The following GPC6 variants were observed in gnomAD, a reference collection of about 807,000 sequenced individuals.
GPC6 encodes glypican 6.
In GPC6, 14 loss-of-function variants were observed where a neutral mutation model predicts 55.2. The observed-to-expected ratio is 0.25, with a 90% confidence interval of 0.17 to 0.40. GPC6 has a LOEUF of 0.40. GPC6 is among the 10% of genes least tolerant of loss of function. The probability of loss-of-function intolerance (pLI) is 1.00; values close to 1 mark genes in which losing one functional copy is unlikely to be tolerated. For missense variants in GPC6, 641 were observed against 708.5 expected (o/e 0.90, Z 1.08); for synonymous variants, 278 against 259.6 (o/e 1.07, Z -0.68).
chr13:93,713,470 A>G (rs1415242154), intron 2 of GPC6, among the ~76,000 whole-genome samples: 3 of 151,684 alleles, frequency 2.0e-5, no homozygotes, highest in African/African-American at 7.3e-5. Context: ...GGGAGAGAAT[A>G]ACACGTACAA....
At chr13:94,240,610 TG>T (rs1418521856) in intron 4 of GPC6, among the ~76,000 whole-genome samples, 74 of 148,236 alleles carry the variant, frequency 5.0e-4, no homozygotes, top group Non-Finnish European at 8.9e-5. Flanking sequence ...ATTCCAGTGT[TG>T]GGAGACAGAA....
chr13:93,971,496 T>C (rs1191876529), intron 3 of GPC6, among the ~76,000 whole-genome samples: 2 of 152,364 alleles, frequency 1.3e-5, no homozygotes, highest in Middle Eastern at 3.4e-3. Flanking sequence ...TCAATACATA[T>C]TGCTGAATGC....
chr13:93,264,335 G>T (rs910237632), intron 1 of GPC6, among the ~76,000 whole-genome samples: 4 of 152,194 alleles, frequency 2.6e-5, no homozygotes, highest in African/African-American at 4.8e-5. Flanking sequence ...ATGCACAGAT[G>T]CTCTAGTCTC....
At chr13:93,828,268 G>A (rs1358649729) in intron 2 of GPC6, among the ~76,000 whole-genome samples, 1 of 151,884 alleles carries the variant, frequency 6.6e-6, no homozygotes, top group African/African-American at 2.4e-5. Context: ...TTCACAATCT[G>A]TTACGCCTTC....
chr13:94,256,562 A>G (rs201865816), intron 4 of GPC6, among the ~76,000 whole-genome samples: 1 of 152,140 alleles, frequency 6.6e-6, no homozygotes, highest in Non-Finnish European at 1.5e-5. Flanking sequence ...CATCTCCATC[A>G]TCATCATCCT....
intron 1 of GPC6, among the ~76,000 whole-genome samples, chr13:93,464,360 G>A (rs1321365649): frequency 1.3e-5 from 2 of 152,162 alleles, no homozygotes; most frequent in Non-Finnish European, 2.9e-5. Context: ...AGCCATGGTA[G>A]AACTTCTCTC....
intron 2 of GPC6, among the ~76,000 whole-genome samples, chr13:93,550,362 T>A (rs983368508): frequency 6.6e-6 from 1 of 152,166 alleles, no homozygotes; most frequent in Admixed American, 6.5e-5. Flanking sequence ...GTTTTTTGTT[T>A]ATGTGTTCTT....
At chr13:93,970,691 CT>C (rs1391659627) in intron 3 of GPC6, among the ~76,000 whole-genome samples, 1 of 152,166 alleles carries the variant, frequency 6.6e-6, no homozygotes, top group Admixed American at 6.6e-5. Context: ...GCAAAAGCTC[CT>C]TAAATGTAGC....
chr13:94,050,224 A>G (rs112434066), intron 4 of GPC6, among the ~76,000 whole-genome samples: 5 of 152,298 alleles, frequency 3.3e-5, no homozygotes, highest in African/African-American at 9.6e-5. Context: ...AATTCCTGGA[A>G]CGTAATAGAT....
At chr13:93,749,844 A>G (rs1262519216) in intron 2 of GPC6, among the ~76,000 whole-genome samples, 5 of 152,134 alleles carry the variant, frequency 3.3e-5, no homozygotes, top group Non-Finnish European at 7.4e-5. Flanking sequence ...CCTTTTTCTA[A>G]CAAATTGAGA....
chr13:93,277,552 A>G (rs1321946730), intron 1 of GPC6, among the ~76,000 whole-genome samples: 3 of 152,192 alleles, frequency 2.0e-5, no homozygotes, highest in African/African-American at 4.8e-5. Context: ...TTATAACCCA[A>G]TTCCTCAAAT....
chr13:93,451,863 A>T (rs1357594531), intron 1 of GPC6, among the ~76,000 whole-genome samples: 6 of 152,214 alleles, frequency 3.9e-5, no homozygotes, highest in Non-Finnish European at 8.8e-5. Context: ...GCATTTAATT[A>T]CTATTGACTT....
intron 2 of GPC6, among the ~76,000 whole-genome samples, chr13:93,738,664 A>C (rs1884085365): frequency 6.6e-6 from 1 of 152,098 alleles, no homozygotes; most frequent in Non-Finnish European, 1.5e-5. Flanking sequence ...GGTTTGGAGT[A>C]GGAGAGAGAG....
chr13:94,340,356 A>C (rs1382593463), intron 6 of GPC6, among the ~76,000 whole-genome samples: 1 of 152,222 alleles, frequency 6.6e-6, no homozygotes, highest in Non-Finnish European at 1.5e-5. Context: ...AAAATCTACC[A>C]ATTATCAAGA....
intron 2 of GPC6, among the ~76,000 whole-genome samples, chr13:93,722,329 A>G (rs746280789): frequency 9.2e-5 from 14 of 151,838 alleles, no homozygotes; most frequent in Non-Finnish European, 2.1e-4. Context: ...TTATTGAGAC[A>G]CTATTACCAG....
chr13:94,386,015 G>T (rs1880384566), intron 7 of GPC6, among the ~76,000 whole-genome samples: 1 of 152,210 alleles, frequency 6.6e-6, no homozygotes, highest in Non-Finnish European at 1.5e-5. Flanking sequence ...CAGAGGCAAT[G>T]ACTCACACCT....
intron 1 of GPC6, among the ~76,000 whole-genome samples, chr13:93,418,739 T>C (rs1876806039): frequency 6.6e-6 from 1 of 151,166 alleles, no homozygotes; most frequent in South Asian, 2.1e-4. Context: ...TGTCATTTTA[T>C]TAATGGCACT....
intron 3 of GPC6, among the ~76,000 whole-genome samples, chr13:93,901,544 A>G (rs908069769): frequency 6.6e-6 from 1 of 152,100 alleles, no homozygotes; most frequent in African/African-American, 2.4e-5. Flanking sequence ...ATTCTGAATC[A>G]ACTGGATGAA....
At chr13:93,840,085 C>G (rs1229525291) in intron 3 of GPC6, among the ~76,000 whole-genome samples, 1 of 152,104 alleles carries the variant, frequency 6.6e-6, no homozygotes, top group Non-Finnish European at 1.5e-5. Flanking sequence ...TGCTATGAAT[C>G]TGTCTGGTCC....
Sources: allele counts gnomAD v4.1 joint callset (sites outside exome capture counted in the v4.1 genomes callset), GRCh38; gene constraint gnomAD v4.1.1; transcripts MANE v1.5; gene names NCBI Gene and HGNC (gene_info 2026-07-23, HGNC 2026-07-21).